Variants in ADCY8 observed in about 807,000 individuals in gnomAD.
ADCY8 encodes adenylate cyclase 8, also known as adenylate cyclase type 8.
Under a neutral mutation model 119.7 loss-of-function variants are expected in ADCY8, and 51 were observed. The ratio of observed to expected loss-of-function variants is 0.43; its 90% CI spans 0.34 to 0.54. The LOEUF (loss-of-function observed/expected upper bound fraction) is 0.54, where lower values mean the gene tolerates loss of function less well. ADCY8 is among the 20% of genes least tolerant of loss of function. The pLI is 0.03. For missense variants in ADCY8, 1,383 were observed against 1,598.8 expected (o/e 0.87, Z 2.30); for synonymous variants, 665 against 651.0 (o/e 1.02, Z -0.33).
intron 2 of ADCY8, among the ~76,000 whole-genome samples, chr8:130,960,433 A>G (rs1821563111): frequency 8.8e-6 from 1 of 113,538 alleles, no homozygotes; most frequent in Non-Finnish European, 2.0e-5. Context: ...GGAATTAACA[A>G]AGGAAATGAA....
chr8:130,785,448 T>C lies in ADCY8; in HGVS notation c.3088A>G (p.Ile1030Val). The part of the protein sequence containing the change: ...ELLGEDRFQD[I>V]EKIKTIGSTY... ...CTGCCAATGGTCTTAATCTTTTCAA[T>C]GTCTTGAAATCGGTCTTCACCAAGC... is the stretch of plus-strand genomic sequence containing the variant. Residue 1030 changes from isoleucine (I) to valine (V), a missense_variant, in exon 16 of 18, where the codon ATT becomes GTT. Around this residue, in one of 2 missense-constraint regions of ADCY8, gnomAD observed 928 missense variants for 1,163.5 expected, o/e 0.80. Coordinates refer to ENST00000286355, the MANE Select transcript of ADCY8 (RefSeq NM_001115.3). The C allele has an allele frequency of 6.2e-7, 1 of 1,611,012 alleles. No individual in the cohort carries two copies. The highest frequency in any genetic ancestry group is 1.1e-5 in the South Asian group (1 of 90,478).
intron 1 of ADCY8, among the ~76,000 whole-genome samples, chr8:131,038,934 C>T (rs956862153): frequency 3.3e-5 from 5 of 152,136 alleles, no homozygotes; most frequent in African/African-American, 7.2e-5. Context: ...CTTAGAGATA[C>T]GGAAAAACCC....
intron 4 of ADCY8, among the ~76,000 whole-genome samples, chr8:130,940,470 A>T (rs905710756): frequency 1.3e-5 from 2 of 152,068 alleles, no homozygotes; most frequent in Non-Finnish European, 2.9e-5. Flanking sequence ...TCCCAAATAC[A>T]TGGTTGTATA....
intron 13 of ADCY8, among the ~76,000 whole-genome samples, chr8:130,817,889 G>T (rs1816394590): frequency 6.6e-6 from 1 of 152,144 alleles, no homozygotes; most frequent in African/African-American, 2.4e-5. Flanking sequence ...GATAGGATTA[G>T]CATATCACTG....
At chr8:130,816,635 C>T (rs1034245339) in intron 13 of ADCY8, among the ~76,000 whole-genome samples, 2 of 151,920 alleles carry the variant, frequency 1.3e-5, no homozygotes, top group Non-Finnish European at 2.9e-5. Context: ...CCGTGTTAGC[C>T]AGGATGGTCT....
Position 130,910,115 on chromosome 8 carries a change from G to A in ADCY8, c.1482-249C>T, listed in dbSNP as rs78844042. 1.4e-3 allele frequency among the ~76,000 whole-genome samples: 217 copies of A among 152,026 alleles called. 3 individuals are homozygous for A. The East Asian group carries it at 0.035, about 25-fold the overall frequency. ...CTTGCAAAGTGCTGGGATTACAGGTGTGAGCCACCACGCCCGTCCACCTCT... is the reference window on the plus strand; with the variant it reads ...CTTGCAAAGTGCTGGGATTACAGGTATGAGCCACCACGCCCGTCCACCTCT... On this transcript the variant is annotated intron_variant, in intron 5 of 17. Transcript: ENST00000286355.
intron 9 of ADCY8, among the ~76,000 whole-genome samples, chr8:130,859,370 C>T (rs73716649): frequency 0.02 from 3,060 of 152,224 alleles, 95 homozygotes; most frequent in African/African-American, 0.07. Flanking sequence ...CACCATCTGC[C>T]ATCCACTTAC....
intron 7 of ADCY8, among the ~76,000 whole-genome samples, chr8:130,889,384 T>C (rs919917192): frequency 2.0e-5 from 3 of 152,144 alleles, no homozygotes; most frequent in Non-Finnish European, 4.4e-5. Context: ...ATACACTTTA[T>C]TGAGATAAAG....
chr8:130,807,722 T>G (rs56156425), intron 14 of ADCY8, among the ~76,000 whole-genome samples: 6 of 151,570 alleles, frequency 4.0e-5, no homozygotes, highest in African/African-American at 1.5e-4. Flanking sequence ...CGGTGGCTCA[T>G]GCCTGTAATC....
At chr8:130,911,710 C>A (rs1407088153) in intron 5 of ADCY8, among the ~76,000 whole-genome samples, 3 of 149,652 alleles carry the variant, frequency 2.0e-5, no homozygotes, top group Middle Eastern at 3.2e-3. Flanking sequence ...CCTTTAAAAT[C>A]CCTATATTAT....
chr8:130,789,384 T>C (rs1815355619), intron 15 of ADCY8, among the ~76,000 whole-genome samples: 3 of 152,186 alleles, frequency 2.0e-5, no homozygotes, highest in African/African-American at 7.2e-5. Context: ...CCCTCGTCTG[T>C]CATCGTCACT....
intron 8 of ADCY8, among the ~76,000 whole-genome samples, chr8:130,881,655 A>C (rs1470495852): frequency 1.3e-5 from 2 of 152,108 alleles, no homozygotes; most frequent in Non-Finnish European, 2.9e-5. Flanking sequence ...AAAAAATTCT[A>C]AGATATATAT....
At chr8:130,780,916 A>T in intron 17 of ADCY8, 39 bp from the exon 18 acceptor site, 1 of 1,601,366 alleles carries the variant, frequency 6.2e-7, no homozygotes. Flanking sequence ...TCAGAGGGAG[A>T]AGGGGGACAA....
intron 7 of ADCY8, among the ~76,000 whole-genome samples, chr8:130,893,419 G>T (rs1320506863): frequency 6.6e-6 from 1 of 152,156 alleles, no homozygotes; most frequent in Non-Finnish European, 1.5e-5. Context: ...TAGGGCCACA[G>T]GGTAGGTGTG....
chr8:130,970,732 G>A (rs1404367351), intron 2 of ADCY8, among the ~76,000 whole-genome samples: 1 of 152,070 alleles, frequency 6.6e-6, no homozygotes, highest in African/African-American at 2.4e-5. Context: ...AGCCATTGGG[G>A]GTGTTTCCTC....
intron 2 of ADCY8, among the ~76,000 whole-genome samples, chr8:130,969,001 G>T (rs1010954686): frequency 2.6e-5 from 4 of 152,138 alleles, no homozygotes; most frequent in Admixed American, 2.6e-4. Flanking sequence ...CTTCTATCAA[G>T]ACGCAGAAAA....
chr8:131,018,659 TAA>T (rs1371142647), intron 1 of ADCY8, among the ~76,000 whole-genome samples: 1 of 152,226 alleles, frequency 6.6e-6, no homozygotes, highest in Non-Finnish European at 1.5e-5. Flanking sequence ...CACTCCTATA[TAA>T]GACACATGCT....
intron 12 of ADCY8, 34 bp from the exon 13 acceptor site, chr8:130,821,454 G>T (rs908044977): frequency 1.3e-6 from 2 of 1,557,324 alleles, no homozygotes; most frequent in Non-Finnish European, 1.8e-6. Context: ...ATAACCATGG[G>T]GGGACTTCAA....
At chr8:130,935,731 A>G (rs564746685) in intron 5 of ADCY8, among the ~76,000 whole-genome samples, 3 of 152,336 alleles carry the variant, frequency 2.0e-5, no homozygotes, top group Admixed American at 1.3e-4. Context: ...CCTTCTTTCA[A>G]CCAAACGTGG....
Sources: allele counts gnomAD v4.1 joint callset (sites outside exome capture counted in the v4.1 genomes callset), GRCh38; gene constraint gnomAD v4.1.1; regional missense constraint gnomAD v4.1.1; transcripts MANE v1.5; gene names NCBI Gene and HGNC (gene_info 2026-07-23, HGNC 2026-07-21).